Variants in KLHL14 observed in about 807,000 individuals in gnomAD.
KLHL14 encodes kelch-like protein 14.
In KLHL14, 22 loss-of-function variants were observed where a neutral mutation model predicts 64.3. That is an observed-to-expected ratio of 0.34 (90% CI 0.24 to 0.49). The LOEUF (loss-of-function observed/expected upper bound fraction) is 0.49, where lower values mean the gene tolerates loss of function less well. Among genes scored for constraint, KLHL14 ranks in the 20% least tolerant of loss-of-function variants. The pLI is 0.99. For synonymous variants in KLHL14, 322 were observed against 333.4 expected, an observed-to-expected ratio of 0.97 and a Z score of 0.37; for missense variants, 661 against 789.0, an observed-to-expected ratio of 0.84 and a Z score of 1.94.
At chr18:32,756,973 T>A (rs2050285448) in intron 2 of KLHL14, among the ~76,000 whole-genome samples, 2 of 152,212 alleles carry the variant, frequency 1.3e-5, no homozygotes, top group Admixed American at 6.5e-5. Flanking sequence ...TAATACCTTG[T>A]CTCCCTGAAA....
chr18:32,771,415 C>T (rs908571036), intron 1 of KLHL14, among the ~76,000 whole-genome samples: 1 of 152,306 alleles, frequency 6.6e-6, no homozygotes, highest in East Asian at 1.9e-4. Context: ...TGCCCGCTTC[C>T]CCGCTTCGCA....
chr18:32,681,077 C>CTT (rs139171317), intron 5 of KLHL14, among the ~76,000 whole-genome samples: 3 of 152,060 alleles, frequency 2.0e-5, no homozygotes, highest in African/African-American at 7.2e-5. Context: ...TCAATTATCA[C>CTT]TTTTTTTACC....
intron 2 of KLHL14, among the ~76,000 whole-genome samples, chr18:32,749,333 A>G (rs1256644803): frequency 6.6e-6 from 1 of 152,232 alleles, no homozygotes; most frequent in Admixed American, 6.5e-5. Context: ...ACAAGTTAAG[A>G]GTCATCAGAC....
chr18:32,769,893 C>G lies in KLHL14; in HGVS notation c.699G>C (p.Glu233Asp), dbSNP rs147045970. 6.1e-4 allele frequency: 986 copies of G among 1,614,100 alleles called. No homozygotes were observed. Among genetic ancestry groups the G allele is most frequent in the Middle Eastern group, 2.5e-3 (15 of 6,062 alleles). Residue 233 changes from glutamate (E) to aspartate (D), a missense_variant, in exon 2 of 9, where the codon GAG becomes GAC. Physicochemically the swap from Glu to Asp is conservative, Grantham distance 45. Coordinates refer to ENST00000359358, the MANE Select transcript of KLHL14 (RefSeq NM_020805.3). ...ALLDSLPPPVESELALFQMSV... is the reference protein window; with the variant it reads ...ALLDSLPPPVDSELALFQMSV... ...ACATCTGGAAGAGCGCCAGCTCCGA[C>G]TCCACGGGGGGCGGCAGCGAGTCCA...
At chr18:32,768,776 T>C (rs1347084539) in intron 2 of KLHL14, among the ~76,000 whole-genome samples, 2 of 152,148 alleles carry the variant, frequency 1.3e-5, no homozygotes, top group Admixed American at 6.5e-5. Context: ...GAAATCCTAC[T>C]TGCAACACAC....
At chr18:32,706,287 G>A (rs2049989987) in intron 3 of KLHL14, among the ~76,000 whole-genome samples, 1 of 152,134 alleles carries the variant, frequency 6.6e-6, no homozygotes, top group African/African-American at 2.4e-5. Context: ...GTGATCTTAG[G>A]AGATGTGCCC....
intron 7 of KLHL14, among the ~76,000 whole-genome samples, chr18:32,677,868 A>C (rs576875593): frequency 1.3e-5 from 2 of 152,332 alleles, no homozygotes; most frequent in Admixed American, 6.5e-5. Flanking sequence ...GAGAGGCTTC[A>C]GAACTCAGAC....
At chr18:32,742,152 ATC>A (rs1190206841) in intron 2 of KLHL14, 103 bp from the exon 3 acceptor site, 24 of 1,331,250 alleles carry the variant, frequency 1.8e-5, no homozygotes, top group Non-Finnish European at 2.4e-5. Flanking sequence ...GCTTGCAGAT[ATC>A]TGTTTCATTT....
intron 3 of KLHL14, among the ~76,000 whole-genome samples, chr18:32,732,428 T>C (rs1464713781): frequency 1.3e-5 from 2 of 152,198 alleles, no homozygotes; most frequent in Non-Finnish European, 2.9e-5. Flanking sequence ...GGGTGCACTG[T>C]TGTAAACATT....
At chr18:32,674,996 T>A (rs904246336) in intron 8 of KLHL14, among the ~76,000 whole-genome samples, 199 bp from the exon 9 acceptor site, 12 of 152,076 alleles carry the variant, frequency 7.9e-5, no homozygotes, top group South Asian at 2.1e-4. Context: ...TCAAAAAAAA[T>A]TTTTTTGTGT....
intron 3 of KLHL14, among the ~76,000 whole-genome samples, chr18:32,712,357 CA>C (rs1271186490): frequency 1.3e-5 from 2 of 152,114 alleles, no homozygotes; most frequent in African/African-American, 4.8e-5. Flanking sequence ...AAAGAATTCC[CA>C]CAGCTTCCCT....
intron 3 of KLHL14, among the ~76,000 whole-genome samples, chr18:32,733,187 C>T (rs552002732): frequency 2.0e-5 from 3 of 152,146 alleles, no homozygotes; most frequent in Non-Finnish European, 2.9e-5. Flanking sequence ...GTGACTTTCA[C>T]AGTACTTTCA....
chr18:32,716,571 C>T (rs556555548), intron 3 of KLHL14, among the ~76,000 whole-genome samples: 12 of 152,170 alleles, frequency 7.9e-5, no homozygotes, highest in East Asian at 7.7e-4. Flanking sequence ...CACGCCACCA[C>T]GCCCAGCTAA....
At chr18:32,759,810 G>A (rs2050304612) in intron 2 of KLHL14, among the ~76,000 whole-genome samples, 1 of 151,996 alleles carries the variant, frequency 6.6e-6, no homozygotes. Context: ...AGTTGCTATA[G>A]TAACCAATCC....
chr18:32,742,176 T>G, intron 2 of KLHL14, 127 bp from the exon 3 acceptor site: 2 of 1,111,744 alleles, frequency 1.8e-6, no homozygotes, highest in South Asian at 1.5e-5. Context: ...TTCCTGTTTC[T>G]TCCCCCATTC....
At chr18:32,723,741 C>T (rs887353860) in intron 3 of KLHL14, among the ~76,000 whole-genome samples, 2 of 152,158 alleles carry the variant, frequency 1.3e-5, no homozygotes, top group Admixed American at 6.5e-5. Context: ...CCCAATTGAA[C>T]AGTGCCCCTC....
intron 3 of KLHL14, among the ~76,000 whole-genome samples, chr18:32,728,806 G>A (rs547106013): frequency 1.9e-4 from 29 of 152,228 alleles, no homozygotes; most frequent in African/African-American, 5.3e-4. Context: ...GGAGTGACAC[G>A]GGGAAGAAAC....
chr18:32,744,478 A>T, intron 2 of KLHL14: 1 of 14,470 alleles, frequency 6.9e-5, no homozygotes, highest in Admixed American at 6.9e-4. Context: ...ACTCCATGTC[A>T]AAAAAAAAAA....
chr18:32,701,523 G>C (rs80038899), intron 3 of KLHL14, among the ~76,000 whole-genome samples: 1,583 of 152,282 alleles, frequency 0.01, 26 homozygotes, highest in African/African-American at 0.037. Context: ...GAAGTCAGCA[G>C]GCAGACACAG....
Sources: allele counts gnomAD v4.1 joint callset (sites outside exome capture counted in the v4.1 genomes callset), GRCh38; gene constraint gnomAD v4.1.1; transcripts MANE v1.5; gene names NCBI Gene and HGNC (gene_info 2026-07-23, HGNC 2026-07-21).